NCAM1: variants seen among roughly 807,000 people sequenced by gnomAD.
NCAM1 encodes the protein antigen recognized by monoclonal antibody 5.1H11.
NCAM1 carries 14 observed loss-of-function variants against 109.8 expected under a neutral mutation model. That is an observed-to-expected ratio of 0.13 (90% CI 0.08 to 0.20). The LOEUF (loss-of-function observed/expected upper bound fraction) is 0.20, where lower values mean the gene tolerates loss of function less well. NCAM1 is among the 10% of genes least tolerant of loss of function. NCAM1 has a pLI of 1.00. For synonymous variants in NCAM1, 418 were observed against 442.9 expected (o/e 0.94, Z 0.70); for missense variants, 774 against 1,109.9 (o/e 0.70, Z 4.30).
intron 1 of NCAM1, among the ~76,000 whole-genome samples, chr11:113,179,708 A>C (rs1943273203): frequency 6.6e-6 from 1 of 152,228 alleles, no homozygotes; most frequent in Admixed American, 6.5e-5. Context: ...CAATCACCAA[A>C]AGATTTTGGA....
intron 1 of NCAM1, among the ~76,000 whole-genome samples, chr11:113,152,797 T>C (rs1056495505): frequency 6.6e-6 from 1 of 152,188 alleles, no homozygotes. Flanking sequence ...TTTGGCACCA[T>C]AGGCAGAATG....
intron 1 of NCAM1, among the ~76,000 whole-genome samples, chr11:113,095,306 A>C (rs1939542783): frequency 7.0e-6 from 1 of 142,590 alleles, no homozygotes; most frequent in Non-Finnish European, 1.5e-5. Context: ...ACCTTGCTGT[A>C]ATAGAATGCG....
intron 1 of NCAM1, among the ~76,000 whole-genome samples, chr11:113,081,542 C>T (rs995977108): frequency 2.2e-5 from 3 of 138,958 alleles, no homozygotes; most frequent in Non-Finnish European, 4.7e-5. Context: ...TTTATCTTTT[C>T]TTTTTTTCTT....
At chr11:113,074,673 C>T (rs537629993) in intron 1 of NCAM1, among the ~76,000 whole-genome samples, 90 of 152,202 alleles carry the variant, frequency 5.9e-4, no homozygotes, top group African/African-American at 2.1e-3. Flanking sequence ...ACTCTATCAC[C>T]GAGGTTGGAG....
chr11:113,265,547 A>G (rs1217146144), intron 17 of NCAM1, among the ~76,000 whole-genome samples: 2 of 152,192 alleles, frequency 1.3e-5, no homozygotes, highest in African/African-American at 4.8e-5. Context: ...ACTATCCCTA[A>G]CAGAGGCTGC....
At chr11:113,039,206 G>GT (rs1309854158) in intron 1 of NCAM1, among the ~76,000 whole-genome samples, 2 of 152,170 alleles carry the variant, frequency 1.3e-5, no homozygotes, top group African/African-American at 4.8e-5. Flanking sequence ...GTCCAGATTT[G>GT]TTTTTTGCAA....
intron 1 of NCAM1, among the ~76,000 whole-genome samples, chr11:113,134,169 T>C (rs557414381): frequency 4.6e-5 from 7 of 152,282 alleles, no homozygotes; most frequent in African/African-American, 1.2e-4. Context: ...TGGCAAACAC[T>C]CTTCTACTTT....
rs1945078416 is a variant in NCAM1 at position 113,233,659 on chromosome 11, A to G, written c.1693+342A>G. On this transcript the variant is annotated intron_variant, in intron 13 of 19. Transcript: ENST00000316851. The surrounding 1 kb of genome is among the most constrained non-coding windows in gnomAD (Gnocchi z 4.5). ...TAATCCATCCTACTCTGCACGTTTG[A>G]GTTACCTGTGCTGCAGGTTCTCTGC... 6.6e-6 allele frequency among the ~76,000 whole-genome samples: 1 copy of G among 152,200 alleles called. No homozygotes were observed. Among genetic ancestry groups the G allele is most frequent in the Admixed American group, 6.5e-5 (1 of 15,276 alleles).
chr11:113,176,834 A>G (rs1484553080), intron 1 of NCAM1, among the ~76,000 whole-genome samples: 1 of 152,134 alleles, frequency 6.6e-6, no homozygotes. Flanking sequence ...AAATGTTTCC[A>G]CTGTACCATA....
intron 3 of NCAM1, among the ~76,000 whole-genome samples, chr11:113,205,321 G>C (rs1944204209): frequency 6.6e-6 from 1 of 152,134 alleles, no homozygotes; most frequent in South Asian, 2.1e-4. Flanking sequence ...CACTCAATGA[G>C]CAGATATTGG....
intron 1 of NCAM1, among the ~76,000 whole-genome samples, chr11:113,175,188 A>C (rs543891697): frequency 6.6e-6 from 1 of 152,350 alleles, no homozygotes; most frequent in South Asian, 2.1e-4. Context: ...AGGTTGACTG[A>C]GGTCTCTAAT....
chr11:112,982,593 T>C (rs557270837), intron 1 of NCAM1, among the ~76,000 whole-genome samples: 1 of 151,928 alleles, frequency 6.6e-6, no homozygotes, highest in East Asian at 1.9e-4. Context: ...ATTGGAGTTC[T>C]GATTGTGAGA....
chr11:113,077,385 T>A (rs576020844), intron 1 of NCAM1, among the ~76,000 whole-genome samples: 1 of 152,224 alleles, frequency 6.6e-6, no homozygotes, highest in East Asian at 1.9e-4. Flanking sequence ...CTTGGGTGAG[T>A]GCTTGACTTA....
chr11:113,226,983 G>C (rs1411109395), intron 9 of NCAM1, among the ~76,000 whole-genome samples: 31 of 151,844 alleles, frequency 2.0e-4, no homozygotes, highest in Admixed American at 2.0e-3. Flanking sequence ...AAGCAGGAAA[G>C]ATCTAAAATT....
At chr11:113,015,789 G>A (rs1480583034) in intron 1 of NCAM1, among the ~76,000 whole-genome samples, 1 of 152,010 alleles carries the variant, frequency 6.6e-6, no homozygotes, top group Non-Finnish European at 1.5e-5. Context: ...TCCTAATTCA[G>A]GATCTAAGAT....
chr11:113,202,484 A>G, intron 2 of NCAM1, 31 bp downstream of exon 2: 1 of 1,580,884 alleles, frequency 6.3e-7, no homozygotes. Flanking sequence ...TGCATTTTAG[A>G]ACTTGCTTCA....
chr11:113,125,591 A>T (rs1018233337), intron 1 of NCAM1, among the ~76,000 whole-genome samples: 2 of 152,216 alleles, frequency 1.3e-5, no homozygotes, highest in Non-Finnish European at 2.9e-5. Flanking sequence ...AGTGGCTTAT[A>T]CTACATTAGT....
At chr11:113,165,771 C>T (rs929489154) in intron 1 of NCAM1, among the ~76,000 whole-genome samples, 1 of 151,684 alleles carries the variant, frequency 6.6e-6, no homozygotes, top group African/African-American at 2.4e-5. Flanking sequence ...CTCCTGGCTT[C>T]TCGCCTGGTC....
intron 1 of NCAM1, among the ~76,000 whole-genome samples, chr11:113,164,825 A>G (rs1313577821): frequency 6.6e-6 from 1 of 151,952 alleles, no homozygotes; most frequent in Admixed American, 6.6e-5. Flanking sequence ...TATTAATTCA[A>G]TCTCCAATCC....
Sources: gnomAD v4.1 joint callset for allele counts (sites outside exome capture counted in the v4.1 genomes callset) on GRCh38, gnomAD v4.1.1 for gene constraint, Gnocchi (gnomAD v3.1) non-coding constraint, MANE v1.5 for transcripts, NCBI Gene and HGNC (gene_info 2026-07-23, HGNC 2026-07-21) for gene names.